Variants in SPEN observed in about 807,000 individuals in gnomAD.
SPEN encodes spen family transcriptional repressor.
SPEN carries 18 observed loss-of-function variants against 269.9 expected under a neutral mutation model. The observed-to-expected ratio is 0.07, with a 90% CI of 0.05 to 0.10. The LOEUF (loss-of-function observed/expected upper bound fraction) is 0.10, where lower values mean the gene tolerates loss of function less well. Ranked by LOEUF, SPEN falls within the 10% of genes least tolerant of loss-of-function variation. The probability of loss-of-function intolerance (pLI) is 1.00; values close to 1 mark genes in which losing one functional copy is unlikely to be tolerated. For synonymous variants in SPEN, 1,726 were observed against 1,765.7 expected (o/e 0.98, Z 0.56); for missense variants, 3,822 against 4,631.2 (o/e 0.83, Z 5.07).
At chr1:15,856,368 T>C (rs1229053889) in intron 1 of SPEN, among the ~76,000 whole-genome samples, 1 of 152,068 alleles carries the variant, frequency 6.6e-6, no homozygotes, top group Non-Finnish European at 1.5e-5. Flanking sequence ...AAAATACCTC[T>C]TTATTTTTAG....
At position 15,928,412 on chromosome 1, in the gene SPEN, A is replaced by G. The variant is rs373108613; in HGVS notation, c.2172A>G (p.Arg724=). The G allele has an allele frequency of 9.9e-6, 16 of 1,614,164 alleles. No individual in the cohort carries two copies. In the African/African-American group the frequency reaches 1.6e-4, roughly 16 times the overall value. Residue 724 remains arginine (R), a synonymous_variant, in exon 11 of 15, where the codon CGA becomes CGG. Transcript: ENST00000375759. The surrounding 1 kb of genome is among the most constrained non-coding windows in gnomAD (Gnocchi z 5.7). ...DRDHERRPIE[R]SQSPVHLRRP... ...ACCATGAGAGGAGGCCGATTGAACG[A>G]AGTCAAAGTCCTGTTCACTTGCGAC...
Position 15,934,427 on chromosome 1 carries a change from GAGTGCAGTGAATGCCACAGCA to G in SPEN, c.8198_8218del (p.Asn2733_Val2739del). 6.2e-7 allele frequency: 1 copy of G among 1,613,914 alleles called. No homozygotes were observed. The highest frequency in any genetic ancestry group is 1.1e-5 in the South Asian group (1 of 91,086). The stretch of plus-strand genomic sequence containing the variant: ...CCCCAGGCACAGTCAATGCCGCTGC[GAGTGCAGTGAATGCCACAGCA>G]AGTGCAGTGACCGTCACAGCGGGTG... On this transcript the variant is annotated inframe_deletion, in exon 11 of 15. Coordinates refer to ENST00000375759, the MANE Select transcript of SPEN (RefSeq NM_015001.3). The surrounding 1 kb of genome is among the most constrained non-coding windows in gnomAD (Gnocchi z 9.2).
chr1:15,900,580 G>C (rs1031381442), intron 3 of SPEN, among the ~76,000 whole-genome samples: 2 of 152,162 alleles, frequency 1.3e-5, no homozygotes, highest in African/African-American at 4.8e-5. Flanking sequence ...TTAGATCTCA[G>C]CTTCTTCTTG....
intron 4 of SPEN, 91 bp from the exon 5 acceptor site, chr1:15,911,005 AAAAAT>A: frequency 9.0e-7 from 1 of 1,110,094 alleles, no homozygotes; most frequent in South Asian, 1.6e-5. Context: ...ACATGAACAA[AAAAAT>A]GAGAAAATCA....
chr1:15,920,571 A>C (rs2071108656), intron 8 of SPEN, among the ~76,000 whole-genome samples: 1 of 152,162 alleles, frequency 6.6e-6, no homozygotes, highest in African/African-American at 2.4e-5. Flanking sequence ...AACAAGACGA[A>C]TACTTTACTG....
At chr1:15,869,259 G>A (rs2070549006) in intron 1 of SPEN, among the ~76,000 whole-genome samples, 1 of 152,026 alleles carries the variant, frequency 6.6e-6, no homozygotes, top group Admixed American at 6.6e-5. Flanking sequence ...GTTTTACCAT[G>A]TTGGCCAGGA....
rs148348676 is a variant in SPEN at position 15,933,636 on chromosome 1, A to G, written c.7396A>G (p.Ser2466Gly). ...SDPVTPPSDP[S>G]IPIPTLPSVT... ...CCCGGTGACCCCACCCAGCGATCCA[A>G]GCATCCCCATACCCACACTGCCTTC... Residue 2466 changes from serine to glycine, a missense_variant, in exon 11 of 15, where the codon AGC (serine) becomes GGC (glycine). This residue lies in a region of SPEN where 727 missense variants were observed against 737.9 expected (regional missense o/e 0.99). Coordinates refer to ENST00000375759, the MANE Select transcript of SPEN (RefSeq NM_015001.3). The surrounding 1 kb of genome is among the most constrained non-coding windows in gnomAD (Gnocchi z 5.7). 20 of 1,614,046 alleles carry G rather than the reference A, an allele frequency of 1.2e-5. No individual in the cohort carries two copies. In the African/African-American group the frequency reaches 1.3e-4, roughly 11 times the overall value.
intron 3 of SPEN, among the ~76,000 whole-genome samples, chr1:15,887,178 G>A (rs565366319): frequency 1.3e-5 from 2 of 151,346 alleles, no homozygotes; most frequent in Non-Finnish European, 2.9e-5. Flanking sequence ...GTCTCACTGT[G>A]TTGTCCAGGC....
chr1:15,928,600 A>C lies in SPEN; in HGVS notation c.2360A>C (p.Lys787Thr). The change falls in exon 11 of 15, where the codon AAA becomes ACA. Residue 787 changes from lysine to threonine, a missense_variant. Around this residue, in one of 16 missense-constraint regions of SPEN, gnomAD observed 572 missense variants for 582.6 expected, o/e 0.98. Coordinates refer to ENST00000375759, the MANE Select transcript of SPEN (RefSeq NM_015001.3). This position sits in a 1 kb window ranked among gnomAD's most constrained non-coding sequence, Gnocchi z 5.7. ...AAGTCTCGTTTGGAGCGCTATACAA[A>C]AAATGAAAAGACAGATAAAGAACGA... is the stretch of plus-strand genomic sequence containing the variant. ...LDKSRLERYTKNEKTDKERTF... is the reference protein window; with the variant it reads ...LDKSRLERYTTNEKTDKERTF... The C allele has an allele frequency of 1.9e-6, 3 of 1,614,196 alleles. No individual in the cohort carries two copies. Among genetic ancestry groups the C allele is most frequent in the Non-Finnish European group, 2.5e-6 (3 of 1,180,038 alleles).
intron 3 of SPEN, among the ~76,000 whole-genome samples, chr1:15,879,001 TC>T (rs2070660053): frequency 3.5e-5 from 1 of 28,866 alleles, no homozygotes; most frequent in African/African-American, 1.8e-4. Context: ...TGAGACTCTG[TC>T]TCAAAAAAAA....
intron 10 of SPEN, among the ~76,000 whole-genome samples, chr1:15,924,372 A>T (rs1413676844): frequency 6.6e-6 from 1 of 152,216 alleles, no homozygotes; most frequent in Non-Finnish European, 1.5e-5. Context: ...TCCTCTGTGT[A>T]CATTAAATAT....
intron 3 of SPEN, among the ~76,000 whole-genome samples, chr1:15,905,080 A>T (rs977953447): frequency 6.6e-6 from 1 of 151,014 alleles, no homozygotes; most frequent in Non-Finnish European, 1.5e-5. Context: ...TACAGATGGT[A>T]TTTCACCATG....
intron 10 of SPEN, 56 bp downstream of exon 10, chr1:15,922,405 A>C (rs977681654): frequency 8.3e-7 from 1 of 1,199,586 alleles, no homozygotes. Flanking sequence ...TAATACAGAA[A>C]CTTAAGATGG....
At chr1:15,938,530 AT>A (rs1327941668) in intron 13 of SPEN, 187 bp from the exon 14 acceptor site, 13 of 494,988 alleles carry the variant, frequency 2.6e-5, no homozygotes, top group Non-Finnish European at 3.3e-5. Context: ...AAAAATTATT[AT>A]TTTTTAAATC....
rs1241094130 is a variant in SPEN at position 15,932,638 on chromosome 1, T to C, written c.6398T>C (p.Leu2133Ser). The part of the protein sequence containing the change: ...KSESPQKEDG[L>S]SSQLKSDPVD... ...GAGAGTCCCCAAAAGGAGGATGGTT[T>C]ATCATCCCAGTTGAAAAGTGATCCA... Residue 2133 changes from leucine to serine, a missense_variant, in exon 11 of 15, where the codon TTA becomes TCA. This residue lies in a region of SPEN where 727 missense variants were observed against 737.9 expected (regional missense o/e 0.99). Transcript: ENST00000375759. The surrounding 1 kb of genome is among the most constrained non-coding windows in gnomAD (Gnocchi z 4.2). 6.2e-7 allele frequency: 1 copy of C among 1,612,164 alleles called. No individual in the cohort carries two copies. The highest frequency in any genetic ancestry group is 2.2e-5 in the East Asian group (1 of 44,816).
chr1:15,901,053 A>G (rs545428732), intron 3 of SPEN, among the ~76,000 whole-genome samples: 4 of 152,140 alleles, frequency 2.6e-5, no homozygotes, highest in African/African-American at 9.6e-5. Flanking sequence ...TGGAGTAAAA[A>G]AAAAATAGAG....
At chr1:15,922,192 AT>A in intron 9 of SPEN, 56 bp from the exon 10 acceptor site, 2 of 1,308,748 alleles carry the variant, frequency 1.5e-6, no homozygotes, top group South Asian at 1.3e-5. Flanking sequence ...ATCTGATAAC[AT>A]TTTTCCATCA....
intron 1 of SPEN, among the ~76,000 whole-genome samples, chr1:15,849,038 T>C (rs1034906105): frequency 2.6e-5 from 4 of 152,194 alleles, no homozygotes; most frequent in African/African-American, 4.8e-5. Context: ...GAATAAATGT[T>C]GTCGTTGATA....
intron 3 of SPEN, among the ~76,000 whole-genome samples, chr1:15,888,299 C>T (rs1221382996): frequency 6.6e-6 from 1 of 150,580 alleles, no homozygotes; most frequent in Non-Finnish European, 1.5e-5. Context: ...TGGAAGCAAA[C>T]TATGTAAACT....
Sources: allele counts gnomAD v4.1 joint callset (sites outside exome capture counted in the v4.1 genomes callset), GRCh38; gene constraint gnomAD v4.1.1; regional missense constraint gnomAD v4.1.1; non-coding constraint Gnocchi (gnomAD v3.1); transcripts MANE v1.5; gene names NCBI Gene and HGNC (gene_info 2026-07-23, HGNC 2026-07-21).